ANKFN1: variants seen among roughly 807,000 people sequenced by gnomAD.
ANKFN1 encodes the protein ankyrin repeat and fibronectin type-III domain-containing protein 1.
In ANKFN1, 74 loss-of-function variants were observed where a neutral mutation model predicts 108.7. The observed-to-expected ratio is 0.68, with a 90% CI of 0.56 to 0.83. The LOEUF is 0.83. ANKFN1 is among the 40% of genes least tolerant of loss of function. ANKFN1 has a pLI of 0.00. For synonymous variants in ANKFN1, 547 were observed against 516.2 expected (o/e 1.06, Z -0.81); for missense variants, 1,505 against 1,382.3 (o/e 1.09, Z -1.41).
intron 8 of ANKFN1, among the ~76,000 whole-genome samples, chr17:56,431,973 G>GAAAAC (rs1400596387): frequency 1.3e-5 from 2 of 152,226 alleles, no homozygotes; most frequent in South Asian, 2.1e-4. Context: ...TGGCTCTGCT[G>GAAAAC]AAAACAAAAC....
At chr17:56,138,089 G>T (rs1372553278) in intron 4 of ANKFN1, among the ~76,000 whole-genome samples, 2 of 152,156 alleles carry the variant, frequency 1.3e-5, no homozygotes, top group Non-Finnish European at 2.9e-5. Context: ...GAAATTCAGA[G>T]AATAGCTAGA....
intron 19 of ANKFN1, among the ~76,000 whole-genome samples, chr17:56,492,910 T>C (rs972361859): frequency 4.6e-5 from 7 of 152,158 alleles, no homozygotes; most frequent in Non-Finnish European, 5.9e-5. Context: ...CCTCAGGGTC[T>C]TGTGAAAGGG....
chr17:56,165,750 G>C (rs1910082676), intron 1 of ANKFN1, among the ~76,000 whole-genome samples: 1 of 152,106 alleles, frequency 6.6e-6, no homozygotes, highest in East Asian at 1.9e-4. Context: ...ATTAGTCTGG[G>C]TTTTCTGGAG....
chr17:56,288,347 CT>C (rs2044272169), intron 3 of ANKFN1, among the ~76,000 whole-genome samples: 1 of 151,608 alleles, frequency 6.6e-6, no homozygotes, highest in Non-Finnish European at 1.5e-5. Flanking sequence ...TTTTACTTTG[CT>C]TTTGTTTTGT....
At chr17:56,397,751 A>G (rs1200054563) in intron 8 of ANKFN1, among the ~76,000 whole-genome samples, 1 of 152,214 alleles carries the variant, frequency 6.6e-6, no homozygotes, top group Admixed American at 6.5e-5. Flanking sequence ...TCACTAAGAC[A>G]GAATTATGTA....
chr17:56,320,247 A>G (rs190433854), intron 3 of ANKFN1, among the ~76,000 whole-genome samples: 1 of 152,226 alleles, frequency 6.6e-6, no homozygotes, highest in Non-Finnish European at 1.5e-5. Context: ...ATCATGTATC[A>G]GACTCTGGTG....
At chr17:56,380,732 G>A (rs2047074884) in intron 8 of ANKFN1, among the ~76,000 whole-genome samples, 1 of 152,238 alleles carries the variant, frequency 6.6e-6, no homozygotes, top group Non-Finnish European at 1.5e-5. Flanking sequence ...GAGGCCGGGG[G>A]AGGGGCGCCC....
chr17:56,466,242 G>T, intron 14 of ANKFN1, 114 bp from the exon 15 acceptor site: 5 of 877,704 alleles, frequency 5.7e-6, no homozygotes, highest in Non-Finnish European at 8.7e-6. Context: ...AAAAAAAAAA[G>T]AGAGCAAACA....
At chr17:56,149,205 A>G (rs1908450002), upstream of ANKFN1, among the ~76,000 whole-genome samples, 1 of 152,136 alleles carries the variant, frequency 6.6e-6, no homozygotes. Context: ...ATAGGGAAGG[A>G]GATGACATGA....
At chr17:56,494,048 A>C (rs188374771) in intron 19 of ANKFN1, among the ~76,000 whole-genome samples, 15 of 152,324 alleles carry the variant, frequency 9.8e-5, no homozygotes, top group Admixed American at 8.5e-4. Context: ...TATGTAATAC[A>C]TTATATATTC....
intron 8 of ANKFN1, among the ~76,000 whole-genome samples, chr17:56,406,705 GC>G (rs2047932932): frequency 6.6e-6 from 1 of 152,140 alleles, no homozygotes; most frequent in Non-Finnish European, 1.5e-5. Context: ...TTGGCCAAGG[GC>G]TTTTGTAAGA....
At chr17:56,399,174 C>T (rs2047675424) in intron 8 of ANKFN1, among the ~76,000 whole-genome samples, 1 of 152,036 alleles carries the variant, frequency 6.6e-6, no homozygotes, top group African/African-American at 2.4e-5. Context: ...TAGTTTATAT[C>T]ATGCCATAGT....
At chr17:56,113,667 G>T (rs1906101461) in intron 4 of ANKFN1, among the ~76,000 whole-genome samples, 1 of 152,102 alleles carries the variant, frequency 6.6e-6, no homozygotes, top group Non-Finnish European at 1.5e-5. Flanking sequence ...GTAATCTTTG[G>T]CACGGTGCCT....
intron 4 of ANKFN1, among the ~76,000 whole-genome samples, chr17:56,345,164 C>T (rs973189498): frequency 2.6e-5 from 4 of 151,976 alleles, no homozygotes; most frequent in African/African-American, 7.3e-5. Flanking sequence ...GTTCCTGTGA[C>T]AGTTTGCTGA....
intron 11 of ANKFN1, among the ~76,000 whole-genome samples, chr17:56,453,230 G>A (rs185078723): frequency 5.9e-5 from 9 of 151,272 alleles, no homozygotes; most frequent in South Asian, 2.1e-4. Context: ...CCTTATTTGC[G>A]TGCATAGTTC....
chr17:56,479,370 A>C (rs538844021), intron 16 of ANKFN1, among the ~76,000 whole-genome samples: 1 of 152,210 alleles, frequency 6.6e-6, no homozygotes, highest in Non-Finnish European at 1.5e-5. Context: ...TGCATATGCT[A>C]GTCACAAAAC....
At chr17:56,145,608 C>A (rs1005902088) in intron 4 of ANKFN1, among the ~76,000 whole-genome samples, 3 of 152,146 alleles carry the variant, frequency 2.0e-5, no homozygotes, top group Non-Finnish European at 4.4e-5. Context: ...GATTCAATTA[C>A]CTCCACCTCG....
upstream of ANKFN1, among the ~76,000 whole-genome samples, chr17:56,148,916 C>T (rs372501910): frequency 1.1e-4 from 17 of 152,116 alleles, no homozygotes; most frequent in Non-Finnish European, 1.9e-4. Context: ...CATTTGCTTA[C>T]GTCATTCTCC....
At chr17:56,493,257 C>T (rs537439727) in intron 19 of ANKFN1, among the ~76,000 whole-genome samples, 33 of 151,716 alleles carry the variant, frequency 2.2e-4, no homozygotes, top group Admixed American at 5.2e-4. Context: ...TATACCAAAG[C>T]AAAACAAACA....
Sources: allele counts gnomAD v4.1 joint callset (sites outside exome capture counted in the v4.1 genomes callset), GRCh38; gene constraint gnomAD v4.1.1; transcripts MANE v1.5; gene names NCBI Gene and HGNC (gene_info 2026-07-23, HGNC 2026-07-21).